Variants in MAN2A1 observed in about 807,000 individuals in gnomAD.
The protein encoded by MAN2A1 is alpha-mannosidase 2.
A neutral mutation model predicts 142.6 loss-of-function variants in MAN2A1; 76 were observed. The ratio of observed to expected loss-of-function variants is 0.53; its 90% CI spans 0.44 to 0.65. The LOEUF (loss-of-function observed/expected upper bound fraction) is 0.65, where lower values mean the gene tolerates loss of function less well. Ranked by LOEUF, MAN2A1 falls within the 30% of genes least tolerant of loss-of-function variation. The probability of loss-of-function intolerance (pLI) is 0.00; values close to 1 mark genes in which losing one functional copy is unlikely to be tolerated. For synonymous variants in MAN2A1, 559 were observed against 473.2 expected (o/e 1.18, Z -2.35); for missense variants, 1,311 against 1,365.1 (o/e 0.96, Z 0.62).
chr5:109,789,951 T>G (rs1279052797), intron 12 of MAN2A1, among the ~76,000 whole-genome samples: 1 of 152,022 alleles, frequency 6.6e-6, no homozygotes, highest in South Asian at 2.1e-4. Context: ...AAATTGTTTA[T>G]TAGATAACTG....
intron 4 of MAN2A1, among the ~76,000 whole-genome samples, chr5:109,736,237 T>C (rs1484439805): frequency 1.3e-5 from 2 of 152,164 alleles, no homozygotes; most frequent in African/African-American, 4.8e-5. Context: ...ACAGATCACA[T>C]CAGCATTTCT....
Position 109,819,795 on chromosome 5 carries a change from T to C in MAN2A1, c.2236T>C (p.Phe746Leu). 1 of 1,610,952 alleles carries C rather than the reference T, an allele frequency of 6.2e-7. No individual in the cohort carries two copies. Among genetic ancestry groups the C allele is most frequent in the Non-Finnish European group, 8.5e-7 (1 of 1,177,974 alleles). The change falls in exon 14 of 22, where the codon TTC becomes CTC. Residue 746 changes from phenylalanine to leucine, a missense_variant. Around this residue, in one of 3 missense-constraint regions of MAN2A1, gnomAD observed 890 missense variants for 920.5 expected, o/e 0.97. Coordinates refer to ENST00000261483, the MANE Select transcript of MAN2A1 (RefSeq NM_002372.4). ...GAATAAAGTAGAAGATAGCGGAATT[T>C]TCACCATAAAGAATATGATAAATAC... Reference protein sequence around the residue: ...YKNKVEDSGIFTIKNMINTEE... With the variant: ...YKNKVEDSGILTIKNMINTEE...
chr5:109,789,021 T>C lies in MAN2A1; in HGVS notation c.1848T>C (p.Ser616=), dbSNP rs1561512822. The change falls in exon 11 of 22, where the codon TCT becomes TCC. Residue 616 remains serine, a synonymous_variant. Transcript: ENST00000261483. ...TGAAGGACAAACTCACATACGACTCTTACTCTCCTGATACCTTCCTGGAGA... is the reference window on the plus strand; with the variant it reads ...TGAAGGACAAACTCACATACGACTCCTACTCTCCTGATACCTTCCTGGAGA... The part of the protein sequence containing the change: ...LILKDKLTYD[S]YSPDTFLEMD... 2.5e-6 allele frequency: 4 copies of C among 1,593,208 alleles called. No individual in the cohort carries two copies. The highest frequency in any genetic ancestry group is 3.4e-6 in the Non-Finnish European group (4 of 1,163,406).
intron 15 of MAN2A1, among the ~76,000 whole-genome samples, chr5:109,821,569 C>G (rs1465517361): frequency 1.3e-5 from 2 of 152,042 alleles, no homozygotes; most frequent in Non-Finnish European, 2.9e-5. Context: ...CTCTAAAATC[C>G]CACTCCAAGC....
intron 20 of MAN2A1, among the ~76,000 whole-genome samples, chr5:109,859,864 A>G (rs1755712390): frequency 1.3e-5 from 2 of 148,306 alleles, no homozygotes; most frequent in South Asian, 4.3e-4. Context: ...GAAATGTGAT[A>G]TGTAGTTCAG....
intron 16 of MAN2A1, among the ~76,000 whole-genome samples, chr5:109,831,149 C>A (rs1016493922): frequency 6.6e-6 from 1 of 152,212 alleles, no homozygotes; most frequent in African/African-American, 2.4e-5. Context: ...TACTGCCAAC[C>A]TGGCTTTGGT....
Position 109,806,768 on chromosome 5 carries a change from G to A in MAN2A1, c.1944-10505G>A, listed in dbSNP as rs78739987. 6.5e-3 allele frequency among the ~76,000 whole-genome samples: 982 copies of A among 152,246 alleles called. 7 individuals carry two copies. Among genetic ancestry groups the A allele is most frequent in the Non-Finnish European group, 0.012 (794 of 67,998 alleles). ...TTAGGTACTGTGGTCATACTGTTTT[G>A]TGAAGGACAACTTTATATTTGCATT... On this transcript the variant is annotated intron_variant, in intron 12 of 21. Coordinates refer to ENST00000261483, the MANE Select transcript of MAN2A1 (RefSeq NM_002372.4).
At chr5:109,818,018 G>C (rs1342777952) in intron 13 of MAN2A1, among the ~76,000 whole-genome samples, 1 of 152,156 alleles carries the variant, frequency 6.6e-6, no homozygotes, top group Non-Finnish European at 1.5e-5. Context: ...TGTACCACTA[G>C]AAAGGTTAGA....
chr5:109,770,733 T>A (rs528932270), intron 7 of MAN2A1, among the ~76,000 whole-genome samples, 192 bp downstream of exon 7: 1 of 152,244 alleles, frequency 6.6e-6, no homozygotes, highest in Non-Finnish European at 1.5e-5. Flanking sequence ...TACATTTTAA[T>A]GGAAAGTGAA....
intron 4 of MAN2A1, among the ~76,000 whole-genome samples, chr5:109,752,036 C>G (rs1160310049): frequency 6.6e-6 from 1 of 152,134 alleles, no homozygotes; most frequent in Non-Finnish European, 1.5e-5. Context: ...AAGTGACTTC[C>G]TTTCTCAACG....
intron 16 of MAN2A1, among the ~76,000 whole-genome samples, chr5:109,839,052 C>T (rs1755129026): frequency 6.6e-6 from 1 of 152,086 alleles, no homozygotes; most frequent in South Asian, 2.1e-4. Context: ...GAGACAATAT[C>T]TAATCTAGAG....
chr5:109,851,187 G>A (rs1014292507), intron 19 of MAN2A1, among the ~76,000 whole-genome samples: 2 of 152,210 alleles, frequency 1.3e-5, no homozygotes, highest in Non-Finnish European at 2.9e-5. Context: ...GTAAAAACAA[G>A]GACTTGGATG....
chr5:109,831,222 C>T (rs1431071406), intron 16 of MAN2A1, among the ~76,000 whole-genome samples: 9 of 152,096 alleles, frequency 5.9e-5, no homozygotes, highest in Admixed American at 5.2e-4. Context: ...GAGTATTCAC[C>T]GAGTAAATAT....
At chr5:109,768,241 A>G (rs1382808579) in intron 6 of MAN2A1, among the ~76,000 whole-genome samples, 1 of 148,224 alleles carries the variant, frequency 6.7e-6, no homozygotes, top group Non-Finnish European at 1.5e-5. Context: ...ATTAGGAGAG[A>G]GGAGAAAAGA....
In MAN2A1 at chr5:109,774,812, C is replaced by A. The variant is rs757298546; in HGVS notation, c.1221C>A (p.Tyr407Ter). 1.2e-6 allele frequency: 2 copies of A among 1,611,662 alleles called. No individual in the cohort carries two copies. ...QSRARMLLDQYRKKSKLFRTK... is the reference protein window; with the variant it reads ...QSRARMLLDQ ...GGGCTCGGATGCTACTAGATCAGTA[C>A]CGAAAGAAGTCAAAGCTTTTTCGTA... The change falls in exon 8 of 22, where the codon TAC (tyrosine) becomes TAA (stop). Residue 407 changes from tyrosine to a stop codon, truncating the protein, a stop_gained. Coordinates refer to ENST00000261483, the MANE Select transcript of MAN2A1 (RefSeq NM_002372.4). LOFTEE classifies it high-confidence loss of function.
intron 12 of MAN2A1, among the ~76,000 whole-genome samples, chr5:109,807,170 A>G (rs529387031): frequency 1.5e-4 from 23 of 151,976 alleles, no homozygotes; most frequent in Non-Finnish European, 3.2e-4. Context: ...ACTTCATTTA[A>G]TCTTTGCTTG....
chr5:109,805,240 C>G (rs373212760), intron 12 of MAN2A1, among the ~76,000 whole-genome samples: 1 of 152,072 alleles, frequency 6.6e-6, no homozygotes, highest in East Asian at 1.9e-4. Flanking sequence ...GCTTTAATAT[C>G]AAAAGTTTTA....
chr5:109,734,736 C>T (rs931899081), intron 4 of MAN2A1, among the ~76,000 whole-genome samples: 19 of 152,204 alleles, frequency 1.2e-4, no homozygotes, highest in East Asian at 7.7e-4. Flanking sequence ...GTCTGAGAGA[C>T]AGTTTGTTAT....
chr5:109,736,485 C>T (rs541939034), intron 4 of MAN2A1, among the ~76,000 whole-genome samples: 1 of 152,150 alleles, frequency 6.6e-6, no homozygotes, highest in East Asian at 1.9e-4. Flanking sequence ...CCCCTGCACT[C>T]CAGCCTGGGT....
Sources: allele counts gnomAD v4.1 joint callset (sites outside exome capture counted in the v4.1 genomes callset), GRCh38; gene constraint gnomAD v4.1.1; regional missense constraint gnomAD v4.1.1; transcripts MANE v1.5; gene names NCBI Gene and HGNC (gene_info 2026-07-23, HGNC 2026-07-21).